NMUR2: variants seen among roughly 807,000 people sequenced by gnomAD.
The protein encoded by NMUR2 is neuromedin U receptor 2, also known as neuromedin-U receptor 2.
In NMUR2, 24 loss-of-function variants were observed where a neutral mutation model predicts 25.1. The ratio of observed to expected loss-of-function variants is 0.96; its 90% CI spans 0.69 to 1.34. The LOEUF (loss-of-function observed/expected upper bound fraction) is 1.34. Ranked by LOEUF, NMUR2 falls within the 40% of genes most tolerant of loss-of-function variation. NMUR2 has a pLI of 0.00. For missense variants in NMUR2, 533 were observed against 512.8 expected, an observed-to-expected ratio of 1.04 and a Z score of -0.38; for synonymous variants, 218 against 208.1, an observed-to-expected ratio of 1.05 and a Z score of -0.41.
chr5:152,404,544 G>A lies in NMUR2; in HGVS notation c.570C>T (p.His190=). The change falls in exon 1 of 4, where the codon CAC becomes CAT. Residue 190 remains histidine (H), a synonymous_variant. Coordinates refer to ENST00000255262, the MANE Select transcript of NMUR2 (RefSeq NM_020167.5). ...PNTSIHGIKF[H]YFPNGSLVPG... is the part of the protein sequence containing the mutation. Reference sequence around the variant, plus strand: ...GGACCAGGGACCCATTGGGGAAGTAGTGGAACTTGATGCCATGGATGCTGG... The same window carrying A: ...GGACCAGGGACCCATTGGGGAAGTAATGGAACTTGATGCCATGGATGCTGG... The A allele has an allele frequency of 3.7e-6, 6 of 1,614,164 alleles. No individual in the cohort carries two copies. Among genetic ancestry groups the A allele is most frequent in the Non-Finnish European group, 5.1e-6 (6 of 1,180,024 alleles).
Position 152,391,944 on chromosome 5 carries a change from C to T in NMUR2, c.*247G>A, listed in dbSNP as rs142950208. ...CATGCCTTTCCAGTCACGTTCTTGG[C>T]ATGAACTAGTGAAGGGGCATGAGGC... On this transcript the variant is annotated 3_prime_UTR_variant, in exon 4 of 4. Coordinates refer to ENST00000255262, the MANE Select transcript of NMUR2 (RefSeq NM_020167.5). 3.2e-4 allele frequency: 127 copies of T among 391,570 alleles called. No individual in the cohort carries two copies. Among genetic ancestry groups the T allele is most frequent in the African/African-American group, 2.5e-3 (123 of 49,520 alleles). 24.3% of individuals were successfully genotyped at this position (391,570 alleles called of 1,614,324 possible).
At chr5:152,397,251 C>T (rs17545665) in intron 2 of NMUR2, among the ~76,000 whole-genome samples, 21,877 of 151,752 alleles carry the variant, frequency 0.14, 2,065 homozygotes, top group Admixed American at 0.24. Flanking sequence ...CTGGAGGATT[C>T]ATTTCTTCTA....
At chr5:152,397,524 A>G (rs755989033) in intron 2 of NMUR2, among the ~76,000 whole-genome samples, 2 of 152,012 alleles carry the variant, frequency 1.3e-5, no homozygotes, top group Non-Finnish European at 2.9e-5. Flanking sequence ...CATGGAGTCT[A>G]TGAGTATCAG....
chr5:152,405,134 T>TCC lies in NMUR2; in HGVS notation c.-23_-22dup. 6.6e-7 allele frequency: 1 copy of TCC among 1,509,682 alleles called. No individual in the cohort carries two copies. Among genetic ancestry groups the TCC allele is most frequent in the East Asian group, 2.4e-5 (1 of 42,304 alleles). 93.5% of individuals were successfully genotyped at this position (1,509,682 alleles called of 1,614,324 possible). ...GACATTAAAATCCAAGGCCTGAGCC[T>TCC]CCCCTGGTACGAGGCTCTGTTTCAA... On this transcript the variant is annotated 5_prime_UTR_variant, in exon 1 of 4. Transcript: ENST00000255262.
intron 2 of NMUR2, 42 bp downstream of exon 2, chr5:152,398,018 C>G: frequency 6.9e-7 from 1 of 1,456,610 alleles, no homozygotes; most frequent in Non-Finnish European, 9.6e-7. Context: ...CTCCTTTGCT[C>G]TTATGAACAA....
chr5:152,404,891 C>T lies in NMUR2; in HGVS notation c.223G>A (p.Ala75Thr). ...TAGTAGTTGGTGGGCGTCTTCATAG[C>T]CTGGTGCTGCAGAATCACCAGGCAC... ...LVCLVILQHQ[A>T]MKTPTNYYLF... The change falls in exon 1 of 4, where the codon GCT becomes ACT. Residue 75 changes from alanine (A) to threonine (T), a missense_variant. Physicochemically the swap from Ala to Thr is moderately conservative, Grantham distance 58 (BLOSUM62 0). Transcript: ENST00000255262. 1.9e-6 allele frequency: 3 copies of T among 1,614,022 alleles called. No homozygotes were observed. The highest frequency in any genetic ancestry group is 2.5e-6 in the Non-Finnish European group (3 of 1,180,000).
At position 152,395,057 on chromosome 5, in the gene NMUR2, C is replaced by A. The variant is rs186851285; in HGVS notation, c.937+402G>T. ...TAGCCTAAAAGGAGAACTTGATTAC[C>A]TATGAATACCATTTAGTTTTCCTTC... On this transcript the variant is annotated intron_variant, in intron 3 of 3. Coordinates refer to ENST00000255262, the MANE Select transcript of NMUR2 (RefSeq NM_020167.5). 1.2e-4 allele frequency among the ~76,000 whole-genome samples: 18 copies of A among 152,174 alleles called. No homozygotes were observed. In the East Asian group the frequency reaches 3.1e-3, roughly 26 times the overall value.
chr5:152,392,398 T>A lies in NMUR2; in HGVS notation c.1041A>T (p.Lys347Asn), dbSNP rs2113091942. The A allele has an allele frequency of 1.9e-6, 3 of 1,613,944 alleles. No individual in the cohort carries two copies. The highest frequency in any genetic ancestry group is 2.5e-6 in the Non-Finnish European group (3 of 1,179,926). The change falls in exon 4 of 4, where the codon AAA becomes AAT. Residue 347 changes from lysine to asparagine, a missense_variant. Lys to Asn is a moderately conservative substitution (Grantham distance 94). Coordinates refer to ENST00000255262, the MANE Select transcript of NMUR2 (RefSeq NM_020167.5). ...AFQNVISSFH[K>N]QWHSQHDPQL... ...GTGGGTCATGCTGGGAGTGCCACTGTTTGTGGAAAGAAGAGATCACATTCT... is the reference window on the plus strand; with the variant it reads ...GTGGGTCATGCTGGGAGTGCCACTGATTGTGGAAAGAAGAGATCACATTCT...
chr5:152,402,528 C>G (rs779230211), intron 1 of NMUR2, among the ~76,000 whole-genome samples: 2 of 152,164 alleles, frequency 1.3e-5, no homozygotes, highest in African/African-American at 2.4e-5. Flanking sequence ...TGAGCTGTCA[C>G]TTACCTCCTG....
Position 152,404,441 on chromosome 5 carries a change from A to G in NMUR2, c.673T>C (p.Tyr225His). ...CTGATGACAGTCATGGGGAGGAGGT[A>G]GAATAGGAAGGAGGTGACCTGGATG... is the stretch of plus-strand genomic sequence containing the variant. ...FIIQVTSFLF[Y>H]LLPMTVISVL... The change falls in exon 1 of 4, where the codon TAC becomes CAC. Residue 225 changes from tyrosine to histidine, a missense_variant. Coordinates refer to ENST00000255262, the MANE Select transcript of NMUR2 (RefSeq NM_020167.5). The G allele has an allele frequency of 6.2e-7, 1 of 1,614,120 alleles. No individual in the cohort carries two copies. The highest frequency in any genetic ancestry group is 1.7e-4 in the Middle Eastern group (1 of 6,056).
intron 3 of NMUR2, 134 bp downstream of exon 3, chr5:152,395,324 GA>G: frequency 2.0e-6 from 2 of 987,878 alleles, no homozygotes; most frequent in Non-Finnish European, 3.0e-6. Flanking sequence ...CTGAATAAAA[GA>G]AAAATCAAAT....
intron 1 of NMUR2, among the ~76,000 whole-genome samples, chr5:152,403,313 C>T (rs558078814): frequency 6.3e-4 from 96 of 152,194 alleles, no homozygotes; most frequent in Non-Finnish European, 1.0e-3. Context: ...TAAATGGTCT[C>T]GTAACTGTTT....
Position 152,395,464 on chromosome 5 carries a change from A to G in NMUR2, c.932T>C (p.Val311Ala), listed in dbSNP as rs1354237384. 1.9e-6 allele frequency: 3 copies of G among 1,613,378 alleles called. No individual in the cohort carries two copies. In the African/African-American group the frequency reaches 4.0e-5, roughly 22 times the overall value. The change falls in exon 3 of 4, where the codon GTG becomes GCG. Residue 311 changes from valine to alanine, a missense_variant. Coordinates refer to ENST00000255262, the MANE Select transcript of NMUR2 (RefSeq NM_020167.5). ...AAATCCAGCTAAGGTTTTACCTGAC[A>G]CCACATGGACGAGGTTGAACACAGC... ...LAAVFNLVHVVSGVFFYLSSA... is the reference protein window; with the variant it reads ...LAAVFNLVHVASGVFFYLSSA...
Position 152,402,144 on chromosome 5 carries a change from T to C in NMUR2, c.726+2244A>G, listed in dbSNP as rs537693287. Among the ~76,000 whole-genome samples the C allele has an allele frequency of 1.1e-3, 161 of 152,160 alleles. 1 individual carries two copies. The highest frequency in any genetic ancestry group is 3.6e-3 in the African/African-American group (151 of 41,508). ...AAGGAAAATCACGGAGAGCCATGAG[T>C]ACCTACAACAGGAAACAGGGATGCT... is the stretch of plus-strand genomic sequence containing the variant. On this transcript the variant is annotated intron_variant, in intron 1 of 3. Transcript: ENST00000255262.
chr5:152,393,735 A>G (rs1380058757), intron 3 of NMUR2, among the ~76,000 whole-genome samples: 1 of 152,200 alleles, frequency 6.6e-6, no homozygotes, highest in African/African-American at 2.4e-5. Context: ...CAGAAACACA[A>G]GGACTGTGAT....
chr5:152,404,739 G>A lies in NMUR2; in HGVS notation c.375C>T (p.Leu125=). Residue 125 remains leucine, a synonymous_variant, in exon 1 of 4, where the codon CTC becomes CTT. Coordinates refer to ENST00000255262, the MANE Select transcript of NMUR2 (RefSeq NM_020167.5). ...TGGAGGCGAAGCACACGGTCTCAAA[G>A]AGGGCCGTCTTGAAGTAGCAGCCCA... ...GPVGCYFKTA[L]FETVCFASIL... 2 of 1,614,186 alleles carry A rather than the reference G, an allele frequency of 1.2e-6. No individual in the cohort carries two copies. The highest frequency in any genetic ancestry group is 2.2e-5 in the South Asian group (2 of 91,084).
intron 3 of NMUR2, 29 bp from the exon 4 acceptor site, chr5:152,392,530 G>A (rs762285803): frequency 2.5e-6 from 4 of 1,572,900 alleles, no homozygotes; most frequent in South Asian, 1.1e-5. Context: ...AAAAAGATGT[G>A]CTGAGAAGAA....
At chr5:152,399,376 C>T (rs2113099898) in intron 1 of NMUR2, among the ~76,000 whole-genome samples, 1 of 152,178 alleles carries the variant, frequency 6.6e-6, no homozygotes, top group Non-Finnish European at 1.5e-5. Context: ...AGTCCCTAAA[C>T]AATTTAGCCA....
chr5:152,394,410 A>C (rs1003889914), intron 3 of NMUR2, among the ~76,000 whole-genome samples: 3 of 152,200 alleles, frequency 2.0e-5, no homozygotes, highest in African/African-American at 7.2e-5. Context: ...CTGGAGCTTA[A>C]CTTGTAAAAG....
Sources: gnomAD v4.1 joint callset for allele counts (sites outside exome capture counted in the v4.1 genomes callset) on GRCh38, gnomAD v4.1.1 for gene constraint, MANE v1.5 for transcripts, NCBI Gene and HGNC (gene_info 2026-07-23, HGNC 2026-07-21) for gene names.